CASTOR2: variants seen among roughly 807,000 people sequenced by gnomAD.
CASTOR2 encodes cytosolic arginine sensor for mTORC1 subunit 2.
CASTOR2 carries 8 observed loss-of-function variants against 31.2 expected under a neutral mutation model. That is an observed-to-expected ratio of 0.26 (90% CI 0.15 to 0.46). The LOEUF is 0.46. Ranked by LOEUF, CASTOR2 falls within the 20% of genes least tolerant of loss-of-function variation. CASTOR2 has a pLI of 0.99. For synonymous variants in CASTOR2, 162 were observed against 158.7 expected, an observed-to-expected ratio of 1.02 and a Z score of -0.16; for missense variants, 216 against 382.1, an observed-to-expected ratio of 0.57 and a Z score of 3.62.
intron 1 of CASTOR2, among the ~76,000 whole-genome samples, chr7:74,992,578 T>G (rs1804237482): frequency 6.6e-6 from 1 of 152,118 alleles, no homozygotes; most frequent in South Asian, 2.1e-4. Context: ...TAGCTGGGAC[T>G]ACAGGTGCAG....
At chr7:75,001,698 G>T (rs1387191713) in intron 1 of CASTOR2, among the ~76,000 whole-genome samples, 1 of 152,238 alleles carries the variant, frequency 6.6e-6, no homozygotes, top group Non-Finnish European at 1.5e-5. Context: ...CAATCCTTGA[G>T]TGTTGATTCC....
In CASTOR2 at chr7:75,031,297, C is replaced by T. The variant is rs1805296933; in HGVS notation, c.*6598C>T. On this transcript the variant is annotated 3_prime_UTR_variant, in exon 9 of 9. Transcript: ENST00000616305. ...CAACCCTCACCTGGCGTGCCCGGGT[C>T]ACCAGCAGCAGCAGCGGCGTTCCAT... Among the ~76,000 whole-genome samples the T allele has an allele frequency of 6.6e-6, 1 of 152,108 alleles. No homozygotes were observed. Among genetic ancestry groups the T allele is most frequent in the African/African-American group, 2.4e-5 (1 of 41,422 alleles).
At position 75,024,815 on chromosome 7, in the gene CASTOR2, G is replaced by A. The variant is rs2131959688; in HGVS notation, c.*116G>A. On this transcript the variant is annotated 3_prime_UTR_variant, in exon 9 of 9. Transcript: ENST00000616305. Reference sequence around the variant, plus strand: ...TCAGCCTGGGGACCCTGAGGAAGGGGCCTCTGTGGGAGACTCCCTCGATTG... The same window carrying A: ...TCAGCCTGGGGACCCTGAGGAAGGGACCTCTGTGGGAGACTCCCTCGATTG... The A allele has an allele frequency of 5.2e-6, 8 of 1,549,194 alleles. No individual in the cohort carries two copies. The highest frequency in any genetic ancestry group is 1.4e-5 in the African/African-American group (1 of 73,042).
chr7:75,010,986 G>A (rs1367891787), intron 2 of CASTOR2, among the ~76,000 whole-genome samples: 2 of 151,948 alleles, frequency 1.3e-5, no homozygotes, highest in African/African-American at 4.8e-5. Flanking sequence ...CTGAGTAGTT[G>A]GGATTATAGG....
chr7:74,990,118 G>A (rs1554437147), intron 1 of CASTOR2, among the ~76,000 whole-genome samples: 3 of 152,194 alleles, frequency 2.0e-5, no homozygotes, highest in South Asian at 4.1e-4. Context: ...GCCGGGTGCG[G>A]TGGCTCACTC....
chr7:75,017,079 G>A (rs1390572760), intron 2 of CASTOR2, among the ~76,000 whole-genome samples: 2 of 152,174 alleles, frequency 1.3e-5, no homozygotes, highest in African/African-American at 2.4e-5. Context: ...TTGAACCCAG[G>A]AGGTGGAGGT....
Position 75,021,865 on chromosome 7 carries a change from C to T in CASTOR2, c.747-9C>T, listed in dbSNP as rs986816101. On this transcript the variant is annotated splice_polypyrimidine_tract_variant and intron_variant, in intron 6 of 8. Coordinates refer to ENST00000616305, the MANE Select transcript of CASTOR2 (RefSeq NM_001145064.3). ...AGCCTCGGGGATTCTTCTCTCGCTCCTTTTGAAGGTTTCCTAGTAACTTGC... is the reference window on the plus strand; with the variant it reads ...AGCCTCGGGGATTCTTCTCTCGCTCTTTTTGAAGGTTTCCTAGTAACTTGC... 4 of 1,551,622 alleles carry T rather than the reference C, an allele frequency of 2.6e-6. No individual in the cohort carries two copies. The Admixed American group carries it at 5.9e-5, about 23-fold the overall frequency.
chr7:74,977,309 G>A lies in CASTOR2; in HGVS notation c.113+12211G>A, dbSNP rs1209891836. On this transcript the variant is annotated intron_variant, in intron 1 of 8. Transcript: ENST00000616305. ...ATGAAAAACCAGCCCAGTTGCATCCGTTCTGGGCCAGTGGGATTCTGGGTG... is the reference window on the plus strand; with the variant it reads ...ATGAAAAACCAGCCCAGTTGCATCCATTCTGGGCCAGTGGGATTCTGGGTG... 1.9e-4 allele frequency among the ~76,000 whole-genome samples: 29 copies of A among 151,582 alleles called. No individual in the cohort carries two copies. In the Middle Eastern group the frequency reaches 0.01, roughly 53 times the overall value.
At chr7:75,008,834 C>T (rs1281251809) in intron 2 of CASTOR2, among the ~76,000 whole-genome samples, 1 of 152,162 alleles carries the variant, frequency 6.6e-6, no homozygotes, top group African/African-American at 2.4e-5. Flanking sequence ...CCTCTACTAC[C>T]AGCTACTTGG....
Position 75,020,156 on chromosome 7 carries a change from C to A in CASTOR2, c.746+7C>A, listed in dbSNP as rs1421797699. ...ACGTGCAGACGCAGCAGAGGTGAGCCAGGCCCTGGGGTGGACGTTCAACCC... is the reference window on the plus strand; with the variant it reads ...ACGTGCAGACGCAGCAGAGGTGAGCAAGGCCCTGGGGTGGACGTTCAACCC... On this transcript the variant is annotated splice_region_variant and intron_variant, in intron 6 of 8. Transcript: ENST00000616305. The A allele has an allele frequency of 1.3e-6, 2 of 1,551,228 alleles. No homozygotes were observed. The highest frequency in any genetic ancestry group is 2.7e-5 in the African/African-American group (2 of 73,034).
intron 2 of CASTOR2, among the ~76,000 whole-genome samples, chr7:75,017,231 G>A (rs1416409140): frequency 6.6e-6 from 1 of 152,126 alleles, no homozygotes; most frequent in African/African-American, 2.4e-5. Context: ...GGCGGATCAC[G>A]AGGTCAAGAG....
Position 75,028,013 on chromosome 7 carries a change from G to C in CASTOR2, c.*3314G>C. 1 of 1,534,684 alleles carries C rather than the reference G, an allele frequency of 6.5e-7. No individual in the cohort carries two copies. The highest frequency in any genetic ancestry group is 2.4e-5 in the East Asian group (1 of 40,904). On this transcript the variant is annotated 3_prime_UTR_variant, in exon 9 of 9. Transcript: ENST00000616305. ...GCATGGAACTCCTTACCTGTTTGCCGTCCATCCCCCGGAGGTAATCAGAGG... is the reference window on the plus strand; with the variant it reads ...GCATGGAACTCCTTACCTGTTTGCCCTCCATCCCCCGGAGGTAATCAGAGG...
chr7:75,018,600 G>T (rs1804920635), intron 4 of CASTOR2, among the ~76,000 whole-genome samples: 1 of 152,350 alleles, frequency 6.6e-6, no homozygotes, highest in African/African-American at 2.4e-5. Flanking sequence ...TCTAGCAAGG[G>T]TGGTGGACGT....
rs1353027746 is a variant in CASTOR2 at position 75,029,257 on chromosome 7, T to A, written c.*4558T>A. On this transcript the variant is annotated 3_prime_UTR_variant, in exon 9 of 9. Transcript: ENST00000616305. ...GTCCTAAGGCCACCCTGGGCCCCTT[T>A]CTGAGCCTAGAGATCTGGATGTGGT... 6.6e-6 allele frequency among the ~76,000 whole-genome samples: 1 copy of A among 152,174 alleles called. No individual in the cohort carries two copies. Among genetic ancestry groups the A allele is most frequent in the Non-Finnish European group, 1.5e-5 (1 of 68,024 alleles).
chr7:74,999,675 T>C (rs1804448560), intron 1 of CASTOR2, among the ~76,000 whole-genome samples: 1 of 133,590 alleles, frequency 7.5e-6, no homozygotes, highest in South Asian at 2.6e-4. Context: ...TGGAGTGCAG[T>C]GGCGTGATCT....
chr7:75,020,814 T>C (rs1037810175), intron 6 of CASTOR2, among the ~76,000 whole-genome samples: 35 of 151,602 alleles, frequency 2.3e-4, no homozygotes, highest in African/African-American at 8.2e-4. Context: ...TTATTTTTGT[T>C]GAGACAGGAT....
intron 1 of CASTOR2, among the ~76,000 whole-genome samples, chr7:74,983,759 A>G (rs1804000353): frequency 6.7e-6 from 1 of 149,488 alleles, no homozygotes; most frequent in African/African-American, 2.5e-5. Context: ...TGCTGTTCCT[A>G]CCACATATTC....
At chr7:74,983,903 C>T (rs2131923742) in intron 1 of CASTOR2, among the ~76,000 whole-genome samples, 1 of 151,510 alleles carries the variant, frequency 6.6e-6, no homozygotes, top group Admixed American at 6.6e-5. Context: ...GCCTCAGCCT[C>T]CTGAATAGCT....
chr7:75,020,250 TG>T, intron 6 of CASTOR2, 101 bp downstream of exon 6: 1 of 1,188,404 alleles, frequency 8.4e-7, no homozygotes. Context: ...TATTTGTTGT[TG>T]TTTTTTTTTG....
Sources: gnomAD v4.1 joint callset for allele counts (sites outside exome capture counted in the v4.1 genomes callset) on GRCh38, gnomAD v4.1.1 for gene constraint, MANE v1.5 for transcripts, NCBI Gene and HGNC (gene_info 2026-07-23, HGNC 2026-07-21) for gene names.